The following GALNT13 variants were observed in gnomAD, a reference collection of about 807,000 sequenced individuals.
GALNT13 encodes the protein polypeptide N-acetylgalactosaminyltransferase 13.
A neutral mutation model predicts 64.2 loss-of-function variants in GALNT13; 28 were observed. The ratio of observed to expected loss-of-function variants is 0.44; its 90% confidence interval spans 0.32 to 0.60. The LOEUF is 0.60. Ranked by LOEUF, GALNT13 falls within the 20% of genes least tolerant of loss-of-function variation. The probability of loss-of-function intolerance (pLI) is 0.05; values close to 1 mark genes in which losing one functional copy is unlikely to be tolerated. For synonymous variants in GALNT13, 214 were observed against 224.6 expected, an observed-to-expected ratio of 0.95 and a Z score of 0.42; for missense variants, 577 against 669.8, an observed-to-expected ratio of 0.86 and a Z score of 1.53.
the GALNT13 span, among the ~76,000 whole-genome samples, chr2:153,217,125 T>C: frequency 2.6e-5 from 4 of 152,048 alleles, no homozygotes; most frequent in Admixed American, 2.6e-4. Context: ...TTTATATACA[T>C]GTGTATATTT....
the GALNT13 span, among the ~76,000 whole-genome samples, chr2:153,149,605 A>G: frequency 1.5e-4 from 23 of 151,844 alleles, no homozygotes; most frequent in Non-Finnish European, 2.8e-4. Context: ...GAATGTCACC[A>G]TGGAGATCCT....
chr2:153,740,879 T>C, the GALNT13 span, among the ~76,000 whole-genome samples: 1 of 152,106 alleles, frequency 6.6e-6, no homozygotes, highest in African/African-American at 2.4e-5. Context: ...CTTTTAGCTC[T>C]CTCCTTTGCA....
At chr2:153,075,526 C>A in the GALNT13 span, among the ~76,000 whole-genome samples, 1 of 152,152 alleles carries the variant, frequency 6.6e-6, no homozygotes, top group Non-Finnish European at 1.5e-5. Context: ...CTCTTTCTGT[C>A]CTGAAAGTAA....
At chr2:153,506,262 A>T in the GALNT13 span, among the ~76,000 whole-genome samples, 2 of 152,200 alleles carry the variant, frequency 1.3e-5, no homozygotes, top group Admixed American at 1.3e-4. Flanking sequence ...TCCTGAAGAC[A>T]GCAGAAACTT....
chr2:154,217,173 A>G (rs2105814108), intron 4 of GALNT13, among the ~76,000 whole-genome samples: 1 of 152,202 alleles, frequency 6.6e-6, no homozygotes, highest in Admixed American at 6.5e-5. Context: ...TTTAAAAAAT[A>G]TACCCTATCA....
the GALNT13 span, among the ~76,000 whole-genome samples, chr2:153,341,738 A>G: frequency 6.6e-6 from 1 of 152,326 alleles, no homozygotes; most frequent in Non-Finnish European, 1.5e-5. Flanking sequence ...CTACTGTGCT[A>G]TAATACTGAC....
chr2:153,637,283 T>G, the GALNT13 span, among the ~76,000 whole-genome samples: 1 of 152,156 alleles, frequency 6.6e-6, no homozygotes, highest in Non-Finnish European at 1.5e-5. Flanking sequence ...AATTGAATAT[T>G]CTAACTGGAA....
chr2:154,084,700 C>T (rs1406047225), intron 3 of GALNT13, among the ~76,000 whole-genome samples: 1 of 151,902 alleles, frequency 6.6e-6, no homozygotes, highest in African/African-American at 2.4e-5. Flanking sequence ...AGATTTCATG[C>T]TAACAGTGCT....
rs116338113 is a variant in GALNT13 at position 154,350,259 on chromosome 2, C to A, written c.1157-45732C>A. On this transcript the variant is annotated intron_variant, in intron 9 of 12. Coordinates refer to ENST00000392825, the MANE Select transcript of GALNT13 (RefSeq NM_052917.4). ...TTAACATTTGAGTCAGTGGACTGGG[C>A]GAGGCAGACCCATCCTCAATATGAG... is the stretch of plus-strand genomic sequence containing the variant. 7.7e-3 allele frequency among the ~76,000 whole-genome samples: 1,177 copies of A among 152,158 alleles called. 13 individuals carry two copies. Among genetic ancestry groups the A allele is most frequent in the African/African-American group, 0.027 (1,119 of 41,484 alleles).
chr2:153,700,577 C>T, the GALNT13 span, among the ~76,000 whole-genome samples: 103 of 152,154 alleles, frequency 6.8e-4, 1 homozygote, highest in South Asian at 1.9e-3. Flanking sequence ...TGACATGATT[C>T]TATGTTTAGA....
intron 8 of GALNT13, among the ~76,000 whole-genome samples, chr2:154,276,103 G>A (rs1171794753): frequency 2.0e-5 from 3 of 152,192 alleles, no homozygotes; most frequent in Non-Finnish European, 4.4e-5. Context: ...ACTTGCTTTT[G>A]ATTTTACAGG....
At position 153,940,446 on chromosome 2, in the gene GALNT13, C is replaced by T. The variant is rs368965893; in HGVS notation, c.-104-3948C>T. ...CTAATTTTACATTTTTAATAGAGAC[C>T]GGGTTTTGCCATGTTGACCAGGCTG... On this transcript the variant is annotated intron_variant, in intron 2 of 12. Coordinates refer to ENST00000392825, the MANE Select transcript of GALNT13 (RefSeq NM_052917.4). 1.4e-4 allele frequency among the ~76,000 whole-genome samples: 21 copies of T among 151,624 alleles called. No individual in the cohort carries two copies. In the East Asian group the frequency reaches 2.7e-3, roughly 20 times the overall value.
At chr2:153,837,078 G>A in the GALNT13 span, among the ~76,000 whole-genome samples, 36,107 of 139,722 alleles carry the variant, frequency 0.26, 5,326 homozygotes, top group Middle Eastern at 0.39. Flanking sequence ...CTGGGGAATC[G>A]CCACACTGAC....
At chr2:153,453,380 G>A in the GALNT13 span, among the ~76,000 whole-genome samples, 2 of 152,098 alleles carry the variant, frequency 1.3e-5, no homozygotes, top group Non-Finnish European at 2.9e-5. Context: ...TTCCATAGAG[G>A]CCAAATATCT....
chr2:154,254,144 A>G (rs1690240076), intron 7 of GALNT13, among the ~76,000 whole-genome samples: 1 of 152,198 alleles, frequency 6.6e-6, no homozygotes, highest in Non-Finnish European at 1.5e-5. Context: ...GGGAGTTTTC[A>G]AAGAAAAATC....
the GALNT13 span, among the ~76,000 whole-genome samples, chr2:153,848,186 C>G: frequency 2.6e-5 from 4 of 152,170 alleles, no homozygotes; most frequent in African/African-American, 7.2e-5. Flanking sequence ...GTGTGCCATA[C>G]TGGTGGGATT....
chr2:154,181,606 A>T (rs976876738), intron 4 of GALNT13, among the ~76,000 whole-genome samples: 3 of 152,064 alleles, frequency 2.0e-5, no homozygotes, highest in Admixed American at 1.3e-4. Flanking sequence ...TAGTCTTTAA[A>T]GTTTTAACTA....
At chr2:153,654,016 G>A in the GALNT13 span, among the ~76,000 whole-genome samples, 1 of 151,992 alleles carries the variant, frequency 6.6e-6, no homozygotes, top group African/African-American at 2.4e-5. Context: ...TTGCCCATTT[G>A]GGACAATCAT....
intron 9 of GALNT13, among the ~76,000 whole-genome samples, chr2:154,361,465 T>A (rs1355093402): frequency 1.3e-5 from 2 of 152,204 alleles, no homozygotes; most frequent in East Asian, 3.9e-4. Context: ...GGCTGAATAT[T>A]TGGAATCAGA....
Sources: allele counts gnomAD v4.1 joint callset (sites outside exome capture counted in the v4.1 genomes callset), GRCh38; gene constraint gnomAD v4.1.1; transcripts MANE v1.5; gene names NCBI Gene and HGNC (gene_info 2026-07-23, HGNC 2026-07-21).